The following MDGA2 variants were observed in gnomAD, a reference collection of about 807,000 sequenced individuals.
MDGA2 encodes MAM domain-containing glycosylphosphatidylinositol anchor protein 2.
Under a neutral mutation model 117.8 loss-of-function variants are expected in MDGA2, and 40 were observed. The ratio of observed to expected loss-of-function variants is 0.34; its 90% confidence interval spans 0.26 to 0.44. The LOEUF is 0.44. Ranked by LOEUF, MDGA2 falls within the 20% of genes least tolerant of loss-of-function variation. The pLI, the probability that MDGA2 is intolerant of heterozygous loss-of-function variation, is 1.00. For synonymous variants in MDGA2, 452 were observed against 439.0 expected (o/e 1.03, Z -0.37); for missense variants, 1,123 against 1,250.6 (o/e 0.90, Z 1.54).
intron 1 of MDGA2, chr14:47,305,406 T>A (rs1395039192): frequency 6.6e-6 from 1 of 152,126 alleles, no homozygotes; most frequent in Non-Finnish European, 1.5e-5. Context: ...TAAACCAAAT[T>A]TCATTATGTA....
intron 8 of MDGA2, among the ~76,000 whole-genome samples, chr14:46,984,156 T>C (rs1391133188): frequency 2.6e-5 from 4 of 151,988 alleles, no homozygotes; most frequent in Admixed American, 2.6e-4. Context: ...TCTTGCTTCT[T>C]TACTTATGTT....
At position 47,580,720 on chromosome 14, in the gene MDGA2, A is replaced by G. The variant is rs75512355; in HGVS notation, c.280+93797T>C. On this transcript the variant is annotated intron_variant, in intron 1 of 16. Transcript: ENST00000399232. ...AAGTCATTTTTTTTTCTTTGAAACA[A>G]TATGTATTTACAATTTCCTGAGGCT... 5.9e-3 allele frequency among the ~76,000 whole-genome samples: 892 copies of G among 152,064 alleles called. 9 individuals are homozygous for G. Among genetic ancestry groups the G allele is most frequent in the African/African-American group, 0.02 (832 of 41,506 alleles).
intron 1 of MDGA2, among the ~76,000 whole-genome samples, chr14:47,494,817 G>T (rs974269092): frequency 1.3e-5 from 2 of 151,038 alleles, no homozygotes; most frequent in African/African-American, 2.4e-5. Flanking sequence ...CTTTGTCAAA[G>T]ATCAGTTGGC....
At chr14:46,991,266 T>C (rs1242946810) in intron 8 of MDGA2, among the ~76,000 whole-genome samples, 5 of 152,148 alleles carry the variant, frequency 3.3e-5, no homozygotes, top group Admixed American at 2.6e-4. Flanking sequence ...TCCTGAGGAT[T>C]ATTTAAATCT....
chr14:47,456,178 G>C (rs918761100), intron 1 of MDGA2, among the ~76,000 whole-genome samples: 1 of 151,952 alleles, frequency 6.6e-6, no homozygotes, highest in African/African-American at 2.4e-5. Context: ...CCTTTTATAT[G>C]ACTTTAGGGG....
intron 1 of MDGA2, among the ~76,000 whole-genome samples, chr14:47,513,522 T>A (rs1314590314): frequency 6.6e-6 from 1 of 152,062 alleles, no homozygotes; most frequent in African/African-American, 2.4e-5. Flanking sequence ...TCACTAGCAA[T>A]TTTTAGTGAT....
At chr14:47,104,766 C>T (rs1880551516) in intron 5 of MDGA2, among the ~76,000 whole-genome samples, 1 of 152,124 alleles carries the variant, frequency 6.6e-6, no homozygotes, top group African/African-American at 2.4e-5. Flanking sequence ...AAAGATCCAC[C>T]TACGACCTCA....
intron 15 of MDGA2, among the ~76,000 whole-genome samples, chr14:46,852,230 C>G (rs1881087163): frequency 2.6e-5 from 4 of 151,370 alleles, no homozygotes; most frequent in African/African-American, 9.7e-5. Flanking sequence ...AGGAACAAGG[C>G]TATATTTCTA....
At chr14:47,106,027 G>C (rs1409085108) in intron 5 of MDGA2, among the ~76,000 whole-genome samples, 1 of 151,870 alleles carries the variant, frequency 6.6e-6, no homozygotes, top group Non-Finnish European at 1.5e-5. Flanking sequence ...AAGGTGGCTG[G>C]AGCTAAAGGA....
At chr14:47,391,646 T>C (rs1232402650) in intron 1 of MDGA2, among the ~76,000 whole-genome samples, 1 of 152,202 alleles carries the variant, frequency 6.6e-6, no homozygotes, top group Non-Finnish European at 1.5e-5. Context: ...CTTGGTTTTA[T>C]CAATTATTAA....
chr14:46,919,652 T>C (rs1884047586), intron 10 of MDGA2, among the ~76,000 whole-genome samples: 1 of 152,302 alleles, frequency 6.6e-6, no homozygotes, highest in Non-Finnish European at 1.5e-5. Context: ...AGACAAATGA[T>C]TATGCAGTAT....
intron 3 of MDGA2, among the ~76,000 whole-genome samples, chr14:47,158,366 GTGTGTGT>G (rs1566656187): frequency 1.4e-4 from 7 of 50,246 alleles, no homozygotes; most frequent in Admixed American, 1.3e-3. Context: ...TGGGGTGGGT[GTGTGTGT>G]GTGTGTGTGT....
At chr14:47,034,865 A>G in intron 8 of MDGA2, 146 bp downstream of exon 8, 1 of 746,480 alleles carries the variant, frequency 1.3e-6, no homozygotes, top group East Asian at 2.7e-5. Flanking sequence ...TGTAGAATGT[A>G]GAAATAGTTC....
In MDGA2 at chr14:47,206,382, G is replaced by A. The variant is rs566603586; in HGVS notation, c.595+11639C>T. On this transcript the variant is annotated intron_variant, in intron 3 of 16. Coordinates refer to ENST00000399232, the MANE Select transcript of MDGA2 (RefSeq NM_001113498.3). The stretch of plus-strand genomic sequence containing the variant: ...GAGGCAGCAGAATCTCTTGAGTCCA[G>A]GAGTTTGAGATTAGCCTGGTTAACA... Among the ~76,000 whole-genome samples, 493 of 151,928 alleles carry A rather than the reference G, an allele frequency of 3.2e-3. 5 individuals carry two copies. The highest frequency in any genetic ancestry group is 6.8e-3 in the Middle Eastern group (2 of 292).
intron 1 of MDGA2, among the ~76,000 whole-genome samples, chr14:47,662,963 A>C (rs1396077738): frequency 6.6e-6 from 1 of 152,214 alleles, no homozygotes; most frequent in Non-Finnish European, 1.5e-5. Context: ...AAAGACCTAA[A>C]ACTCTAAAAT....
In MDGA2 at chr14:47,244,927, T is replaced by C. The variant is rs551724444; in HGVS notation, c.421-26732A>G. Among the ~76,000 whole-genome samples, 4 of 151,952 alleles carry C rather than the reference T, an allele frequency of 2.6e-5. No homozygotes were observed. The South Asian group carries it at 8.3e-4, about 32-fold the overall frequency. On this transcript the variant is annotated intron_variant, in intron 2 of 16. Transcript: ENST00000399232. ...CTCTCTTCCTCCTCAGCCTACTCAA[T>C]GAGAAAACAAAGATAAAGACCATTG...
chr14:47,180,782 A>G (rs547333315), intron 3 of MDGA2, among the ~76,000 whole-genome samples: 1 of 152,172 alleles, frequency 6.6e-6, no homozygotes, highest in African/African-American at 2.4e-5. Context: ...TTAGCCGGTC[A>G]TGATGGCACG....
Position 47,343,150 on chromosome 14 carries a change from T to C in MDGA2, c.281-41600A>G. ...CAATAATGAAACAGCTGAGGTTACTTTGAGGACTAATTTCCACTTATCATT... is the reference window on the plus strand; with the variant it reads ...CAATAATGAAACAGCTGAGGTTACTCTGAGGACTAATTTCCACTTATCATT... On this transcript the variant is annotated intron_variant, in intron 1 of 16. Transcript: ENST00000399232. 5 of 1,164,590 alleles carry C rather than the reference T, an allele frequency of 4.3e-6. No individual in the cohort carries two copies. The South Asian group carries it at 8.3e-5, about 19-fold the overall frequency. The allele number at this position is 1,164,590 out of a possible 1,614,324, so 72.1% of individuals were successfully genotyped here. A position where few individuals can be genotyped will look rare whatever the true frequency, so the allele number is the denominator to read the frequency against.
chr14:47,221,505 G>A (rs1886299397), intron 2 of MDGA2, among the ~76,000 whole-genome samples: 1 of 152,144 alleles, frequency 6.6e-6, no homozygotes, highest in Non-Finnish European at 1.5e-5. Flanking sequence ...TGGCTAACAT[G>A]GTGAAACCCT....
Sources: gnomAD v4.1 joint callset for allele counts (sites outside exome capture counted in the v4.1 genomes callset) on GRCh38, gnomAD v4.1.1 for gene constraint, MANE v1.5 for transcripts, NCBI Gene and HGNC (gene_info 2026-07-23, HGNC 2026-07-21) for gene names.